SGCG: variants seen among roughly 807,000 people sequenced by gnomAD.
SGCG encodes gamma-sarcoglycan.
SGCG carries 26 observed loss-of-function variants against 29.3 expected under a neutral mutation model. That is an observed-to-expected ratio of 0.89 (90% CI 0.65 to 1.23). SGCG has a LOEUF of 1.23. Among genes scored for constraint, SGCG ranks in the 50% most tolerant of loss-of-function variants. The pLI is 0.00. For synonymous variants in SGCG, 145 were observed against 129.7 expected, an observed-to-expected ratio of 1.12 and a Z score of -0.80; for missense variants, 353 against 356.0, an observed-to-expected ratio of 0.99 and a Z score of 0.07.
intron 6 of SGCG, among the ~76,000 whole-genome samples, chr13:23,296,493 C>T (rs939928257): frequency 2.6e-5 from 4 of 152,170 alleles, no homozygotes; most frequent in African/African-American, 9.7e-5. Context: ...TAAGTACATT[C>T]ATATTACTTC....
chr13:23,260,119 G>A (rs558310773), intron 4 of SGCG, among the ~76,000 whole-genome samples: 490 of 152,236 alleles, frequency 3.2e-3, no homozygotes, highest in Middle Eastern at 0.01. Context: ...CTGTCTCATT[G>A]ATCTGTCTAA....
chr13:23,188,785 T>C (rs760989331), intron 1 of SGCG, among the ~76,000 whole-genome samples: 4 of 152,182 alleles, frequency 2.6e-5, no homozygotes, highest in African/African-American at 9.7e-5. Context: ...CATGGGCCTA[T>C]GAAGCTCTGC....
chr13:23,245,527 T>C (rs1879675014), intron 3 of SGCG: 3 of 152,168 alleles, frequency 2.0e-5, no homozygotes, highest in Admixed American at 2.0e-4. Flanking sequence ...GCCACTATCT[T>C]TGCTCCTCAA....
chr13:23,266,509 A>C (rs9552898), intron 4 of SGCG, among the ~76,000 whole-genome samples: 3 of 152,112 alleles, frequency 2.0e-5, no homozygotes, highest in African/African-American at 4.8e-5. Context: ...ATGCGAAGGC[A>C]TACAGAGTGG....
chr13:23,240,123 C>T (rs1593191288), intron 3 of SGCG, among the ~76,000 whole-genome samples: 1 of 152,148 alleles, frequency 6.6e-6, no homozygotes, highest in African/African-American at 2.4e-5. Context: ...TTATACCATA[C>T]TGTACTAACC....
intron 3 of SGCG, among the ~76,000 whole-genome samples, chr13:23,248,795 A>G (rs973012955): frequency 1.5e-4 from 23 of 151,886 alleles, no homozygotes; most frequent in Non-Finnish European, 2.2e-4. Context: ...AATCGAGACC[A>G]TCTTGGCTAA....
intron 6 of SGCG, among the ~76,000 whole-genome samples, chr13:23,316,935 G>A (rs983733211): frequency 5.3e-5 from 8 of 152,168 alleles, no homozygotes; most frequent in African/African-American, 1.2e-4. Flanking sequence ...GGCCGGGCGC[G>A]GTGGCTCATG....
intron 3 of SGCG, among the ~76,000 whole-genome samples, chr13:23,238,742 A>G (rs1402417969): frequency 6.6e-6 from 1 of 152,212 alleles, no homozygotes; most frequent in Non-Finnish European, 1.5e-5. Flanking sequence ...AGAGACATAA[A>G]ATATGGAAAG....
intron 2 of SGCG, among the ~76,000 whole-genome samples, chr13:23,225,055 C>T (rs1391549462): frequency 6.6e-6 from 1 of 152,146 alleles, no homozygotes; most frequent in Non-Finnish European, 1.5e-5. Context: ...TCAGTGTCTG[C>T]ACTTCAACTA....
chr13:23,294,082 A>G (rs777426182), intron 5 of SGCG, among the ~76,000 whole-genome samples: 9 of 152,190 alleles, frequency 5.9e-5, no homozygotes, highest in Non-Finnish European at 1.2e-4. Flanking sequence ...CCTAAAGAGG[A>G]AAGTGCACAG....
At position 23,310,996 on chromosome 13, in the gene SGCG, T is replaced by G. The variant is rs541562504; in HGVS notation, c.579-9641T>G. 2.2e-4 allele frequency among the ~76,000 whole-genome samples: 33 copies of G among 152,378 alleles called. 1 individual carries two copies. In the Middle Eastern group the frequency reaches 0.01, roughly 47 times the overall value. On this transcript the variant is annotated intron_variant, in intron 6 of 7. Coordinates refer to ENST00000218867, the MANE Select transcript of SGCG (RefSeq NM_000231.3). Reference sequence around the variant, plus strand: ...AGCACATTTTGTAATGTCCACTGCTTCTTCTTGGAAACATTCTTTTCTTCT... The same window carrying G: ...AGCACATTTTGTAATGTCCACTGCTGCTTCTTGGAAACATTCTTTTCTTCT...
At chr13:23,281,882 C>T (rs776272698) in intron 5 of SGCG, among the ~76,000 whole-genome samples, 3 of 152,182 alleles carry the variant, frequency 2.0e-5, no homozygotes, top group Admixed American at 6.5e-5. Context: ...GGCCAGTATC[C>T]GTCTATGGCC....
chr13:23,191,584 T>G (rs1877255173), intron 1 of SGCG, among the ~76,000 whole-genome samples: 7 of 152,236 alleles, frequency 4.6e-5, no homozygotes, highest in Non-Finnish European at 1.0e-4. Flanking sequence ...CCATTTGAGT[T>G]GATCACTTGG....
the SGCG span, among the ~76,000 whole-genome samples, chr13:23,170,915 A>G: frequency 6.6e-6 from 1 of 152,214 alleles, no homozygotes; most frequent in East Asian, 1.9e-4. Context: ...ACCTGCATGC[A>G]TCATAGCAGA....
At chr13:23,214,569 T>C (rs927929886) in intron 2 of SGCG, among the ~76,000 whole-genome samples, 1 of 152,202 alleles carries the variant, frequency 6.6e-6, no homozygotes, top group East Asian at 1.9e-4. Flanking sequence ...CAACTGCCTT[T>C]CTCTGCACTG....
chr13:23,282,965 C>T (rs1243341275), intron 5 of SGCG, among the ~76,000 whole-genome samples: 2 of 152,168 alleles, frequency 1.3e-5, no homozygotes, highest in African/African-American at 2.4e-5. Flanking sequence ...AACTTGATTG[C>T]ACTGTGGTCT....
chr13:23,254,013 T>C (rs1880083326), intron 4 of SGCG, among the ~76,000 whole-genome samples: 1 of 152,210 alleles, frequency 6.6e-6, no homozygotes, highest in African/African-American at 2.4e-5. Flanking sequence ...ACCTCTTTTC[T>C]TTATAAATTA....
At chr13:23,256,764 A>C (rs987092004) in intron 4 of SGCG, among the ~76,000 whole-genome samples, 2 of 152,126 alleles carry the variant, frequency 1.3e-5, no homozygotes, top group African/African-American at 4.8e-5. Flanking sequence ...ACATTTTCTT[A>C]ATCCAGTCTA....
chr13:23,198,967 G>C (rs1172490725), intron 1 of SGCG, among the ~76,000 whole-genome samples: 3 of 149,612 alleles, frequency 2.0e-5, no homozygotes, highest in Admixed American at 6.7e-5. Context: ...AATTAGCGGG[G>C]CGTGGTGGCG....
Sources: gnomAD v4.1 joint callset for allele counts (sites outside exome capture counted in the v4.1 genomes callset) on GRCh38, gnomAD v4.1.1 for gene constraint, MANE v1.5 for transcripts, NCBI Gene and HGNC (gene_info 2026-07-23, HGNC 2026-07-21) for gene names.